Variants in EXOC6B observed in about 807,000 individuals in gnomAD.
EXOC6B encodes the protein exocyst complex component 6B.
EXOC6B carries 54 observed loss-of-function variants against 113.5 expected under a neutral mutation model. The observed-to-expected ratio is 0.48, with a 90% confidence interval of 0.38 to 0.60. EXOC6B has a LOEUF of 0.60. EXOC6B is among the 20% of genes least tolerant of loss of function. The pLI is 0.00. For missense variants in EXOC6B, 797 were observed against 977.5 expected (o/e 0.82, Z 2.46); for synonymous variants, 357 against 339.0 (o/e 1.05, Z -0.58).
intron 6 of EXOC6B, among the ~76,000 whole-genome samples, chr2:72,620,912 T>C (rs532599374): frequency 1.3e-5 from 2 of 152,252 alleles, no homozygotes; most frequent in East Asian, 1.9e-4. Context: ...ATGCTCATCA[T>C]CACTGATCAT....
intron 20 of EXOC6B, among the ~76,000 whole-genome samples, chr2:72,234,459 C>A (rs1230848382): frequency 6.6e-6 from 1 of 152,114 alleles, no homozygotes; most frequent in Non-Finnish European, 1.5e-5. Context: ...ACTATAAAAA[C>A]CCTGGAAGAT....
intron 1 of EXOC6B, among the ~76,000 whole-genome samples, chr2:72,822,034 A>C (rs555370604): frequency 6.6e-6 from 1 of 152,310 alleles, no homozygotes; most frequent in South Asian, 2.1e-4. Flanking sequence ...CAAAATCTTA[A>C]ACAACAATTA....
intron 6 of EXOC6B, among the ~76,000 whole-genome samples, chr2:72,615,161 T>C (rs1198940899): frequency 6.6e-6 from 1 of 152,144 alleles, no homozygotes; most frequent in Non-Finnish European, 1.5e-5. Flanking sequence ...ATAAAGACCA[T>C]CTAATATTAA....
intron 6 of EXOC6B, among the ~76,000 whole-genome samples, chr2:72,715,791 G>A (rs186284918): frequency 1.3e-5 from 2 of 152,256 alleles, no homozygotes; most frequent in Admixed American, 6.5e-5. Context: ...TGCAATTTTA[G>A]TTGAGTAGTT....
chr2:72,686,737 AAAG>A (rs747260491), intron 6 of EXOC6B, among the ~76,000 whole-genome samples: 3 of 152,186 alleles, frequency 2.0e-5, no homozygotes, highest in Non-Finnish European at 2.9e-5. Context: ...TCTGACTACA[AAAG>A]AAGAAGCCCA....
At chr2:72,508,449 A>C (rs1700727103) in intron 11 of EXOC6B, among the ~76,000 whole-genome samples, 1 of 152,140 alleles carries the variant, frequency 6.6e-6, no homozygotes, top group Non-Finnish European at 1.5e-5. Flanking sequence ...TTTTAAAAAG[A>C]CGATTTAAGA....
chr2:72,705,350 A>G (rs1678778144), intron 6 of EXOC6B, among the ~76,000 whole-genome samples: 1 of 152,190 alleles, frequency 6.6e-6, no homozygotes. Context: ...GCTATCTATG[A>G]CAAACCCACA....
intron 18 of EXOC6B, among the ~76,000 whole-genome samples, chr2:72,424,334 T>C (rs1482233211): frequency 6.6e-6 from 1 of 152,126 alleles, no homozygotes; most frequent in Non-Finnish European, 1.5e-5. Context: ...TTAAATTTCC[T>C]GGAAGTCATT....
intron 8 of EXOC6B, among the ~76,000 whole-genome samples, chr2:72,516,155 G>A (rs1435274044): frequency 2.6e-5 from 4 of 152,154 alleles, no homozygotes; most frequent in Admixed American, 6.6e-5. Flanking sequence ...CTCAGTTTAT[G>A]GGGCCTTGTT....
intron 1 of EXOC6B, among the ~76,000 whole-genome samples, chr2:72,772,227 G>A (rs1268151061): frequency 6.6e-6 from 1 of 152,130 alleles, no homozygotes; most frequent in African/African-American, 2.4e-5. Flanking sequence ...CCTCCCCAGT[G>A]AATTTTGGTG....
intron 1 of EXOC6B, among the ~76,000 whole-genome samples, chr2:72,823,595 G>A (rs1277363279): frequency 6.6e-6 from 1 of 151,708 alleles, no homozygotes; most frequent in Admixed American, 6.6e-5. Flanking sequence ...ACCAGCTTGG[G>A]CAACATGGTG....
chr2:72,542,016 T>C (rs1466255364), intron 8 of EXOC6B, among the ~76,000 whole-genome samples: 2 of 152,184 alleles, frequency 1.3e-5, no homozygotes, highest in Non-Finnish European at 2.9e-5. Context: ...ACATTTCTTA[T>C]AATTTCAGGG....
intron 1 of EXOC6B, among the ~76,000 whole-genome samples, chr2:72,792,992 T>C (rs1158773255): frequency 2.0e-5 from 3 of 152,232 alleles, no homozygotes; most frequent in Non-Finnish European, 2.9e-5. Context: ...AGTAAGGAGC[T>C]CAATCCATGT....
intron 6 of EXOC6B, among the ~76,000 whole-genome samples, chr2:72,698,681 A>G (rs1392665530): frequency 6.6e-6 from 1 of 152,222 alleles, no homozygotes; most frequent in African/African-American, 2.4e-5. Context: ...AACCTTATCC[A>G]ATTTTACCAC....
At chr2:72,715,507 G>T (rs1679556813) in intron 6 of EXOC6B, among the ~76,000 whole-genome samples, 1 of 149,576 alleles carries the variant, frequency 6.7e-6, no homozygotes, top group South Asian at 2.1e-4. Flanking sequence ...ATGAAAACAA[G>T]GAAAAGCCAG....
intron 8 of EXOC6B, among the ~76,000 whole-genome samples, chr2:72,515,966 TA>T (rs771267545): frequency 6.6e-6 from 1 of 151,974 alleles, no homozygotes; most frequent in Admixed American, 6.6e-5. Context: ...AGGCAGAGAA[TA>T]GAGTGATGCA....
At chr2:72,188,244 A>G (rs1057365243) in intron 20 of EXOC6B, among the ~76,000 whole-genome samples, 1 of 152,174 alleles carries the variant, frequency 6.6e-6, no homozygotes, top group African/African-American at 2.4e-5. Flanking sequence ...GTGGTGGGCC[A>G]TTTAGGGCAG....
intron 20 of EXOC6B, among the ~76,000 whole-genome samples, chr2:72,241,568 C>T (rs938434140): frequency 6.6e-6 from 1 of 151,898 alleles, no homozygotes; most frequent in African/African-American, 2.4e-5. Context: ...ATTCAAACTA[C>T]AGAAAATCAA....
At chr2:72,565,569 C>A (rs1704121981) in intron 7 of EXOC6B, among the ~76,000 whole-genome samples, 1 of 151,576 alleles carries the variant, frequency 6.6e-6, no homozygotes, top group Non-Finnish European at 1.5e-5. Context: ...AGGTAAAGAA[C>A]AAATATCCCT....
Sources: gnomAD v4.1 joint callset for allele counts (sites outside exome capture counted in the v4.1 genomes callset) on GRCh38, gnomAD v4.1.1 for gene constraint, MANE v1.5 for transcripts, NCBI Gene and HGNC (gene_info 2026-07-23, HGNC 2026-07-21) for gene names.